Variants in TSPYL4 observed in about 807,000 individuals in gnomAD.
TSPYL4 encodes TSPY like 4.
Under a neutral mutation model 24.2 loss-of-function variants are expected in TSPYL4, and 22 were observed. The observed-to-expected ratio is 0.91, with a 90% CI of 0.65 to 1.30. TSPYL4 has a LOEUF of 1.30. Among genes scored for constraint, TSPYL4 ranks in the 50% most tolerant of loss-of-function variants. TSPYL4 has a pLI of 0.00. For missense variants in TSPYL4, 569 were observed against 536.7 expected, an observed-to-expected ratio of 1.06 and a Z score of -0.60; for synonymous variants, 211 against 208.2, an observed-to-expected ratio of 1.01 and a Z score of -0.12.
At position 116,250,988 on chromosome 6, in the gene TSPYL4, A is replaced by G. The variant is rs1365634406; in HGVS notation, c.*1776T>C. ...CTTATCCCCTACAAGGAGGCTGGAGATCTTCCACAATGCAGGCTGCAGCCT... is the reference window on the plus strand; with the variant it reads ...CTTATCCCCTACAAGGAGGCTGGAGGTCTTCCACAATGCAGGCTGCAGCCT... On this transcript the variant is annotated 3_prime_UTR_variant, in exon 1 of 1. Coordinates refer to ENST00000420283, the MANE Select transcript of TSPYL4 (RefSeq NM_021648.5). 1 of 389,366 alleles carries G rather than the reference A, an allele frequency of 2.6e-6. No homozygotes were observed. 24.1% of individuals were successfully genotyped at this position (389,366 alleles called of 1,614,324 possible). A position where few individuals can be genotyped will look rare whatever the true frequency, so the allele number is the denominator to read the frequency against.
In TSPYL4 at chr6:116,252,657, C is replaced by A; in HGVS notation, c.*107G>T. 7.6e-7 allele frequency: 1 copy of A among 1,307,772 alleles called. No individual in the cohort carries two copies. The highest frequency in any genetic ancestry group is 1.0e-6 in the Non-Finnish European group (1 of 974,372). The allele number at this position is 1,307,772 out of a possible 1,614,324, so 81.0% of individuals were successfully genotyped here. ...TTTAGAACCAAAGGAAAAGATAATC[C>A]ACAGTATGAAGAGAAAGCAGATGGA... is the stretch of plus-strand genomic sequence containing the variant. On this transcript the variant is annotated 3_prime_UTR_variant, in exon 1 of 1. Coordinates refer to ENST00000420283, the MANE Select transcript of TSPYL4 (RefSeq NM_021648.5).
Position 116,254,064 on chromosome 6 carries a change from C to T in TSPYL4, c.-56G>A. 1 of 1,507,808 alleles carries T rather than the reference C, an allele frequency of 6.6e-7. No homozygotes were observed. The highest frequency in any genetic ancestry group is 1.3e-5 in the South Asian group (1 of 75,006). The allele number at this position is 1,507,808 out of a possible 1,614,324, so 93.4% of individuals were successfully genotyped here. A position where few individuals can be genotyped will look rare whatever the true frequency, so the allele number is the denominator to read the frequency against. ...AGAGTTCCTTGTCCTCCGCAGCGGC[C>T]GAGCTCTGCCCGAAACGTCTAGCAC... On this transcript the variant is annotated 5_prime_UTR_variant, in exon 1 of 1. Transcript: ENST00000420283.
In TSPYL4 at chr6:116,253,466, C is replaced by T. The variant is rs1246336287; in HGVS notation, c.543G>A (p.Lys181=). ...TCACCCCTCCTGCCACCTTTTTTTC[C>T]TTCTGCACTACCTTCTTTTCCTCCA... ...AAMEEKKVVQ[K]EKKVAGGVKE... is the part of the protein sequence containing the mutation. The change falls in exon 1 of 1, where the codon AAG becomes AAA. Residue 181 remains lysine, a synonymous_variant. Coordinates refer to ENST00000420283, the MANE Select transcript of TSPYL4 (RefSeq NM_021648.5). The surrounding 1 kb of genome is among the most constrained non-coding windows in gnomAD (Gnocchi z 4.3). The T allele has an allele frequency of 7.1e-6, 11 of 1,551,408 alleles. No homozygotes were observed. The highest frequency in any genetic ancestry group is 3.9e-5 in the Admixed American group (2 of 50,968).
In TSPYL4 at chr6:116,253,079, C is replaced by G. The variant is rs561918623; in HGVS notation, c.930G>C (p.Gly310=). The G allele has an allele frequency of 4.3e-6, 7 of 1,614,142 alleles. No individual in the cohort carries two copies. The East Asian group carries it at 1.6e-4, about 36-fold the overall frequency. Residue 310 remains glycine (G), a synonymous_variant, in exon 1 of 1, where the codon GGG becomes GGC. Coordinates refer to ENST00000420283, the MANE Select transcript of TSPYL4 (RefSeq NM_021648.5). The surrounding 1 kb of genome is among the most constrained non-coding windows in gnomAD (Gnocchi z 4.3). ...FQGNPYFRNE[G]LVKEYERRSS... ...ATCTGCGTTCATATTCCTTGACAAG[C>G]CCCTCATTTCGGAAGTAGGGGTTGC... is the stretch of plus-strand genomic sequence containing the variant.
rs771144968 is a variant in TSPYL4, at chr6:116,253,840, C to T, written c.169G>A (p.Val57Ile). The T allele has an allele frequency of 3.7e-6, 6 of 1,612,540 alleles. No individual in the cohort carries two copies. The highest frequency in any genetic ancestry group is 1.6e-4 in the Middle Eastern group (1 of 6,084). Residue 57 changes from valine (V) to isoleucine (I), a missense_variant, in exon 1 of 1, where the codon GTT becomes ATT. Physicochemically the swap from Val to Ile is conservative, Grantham distance 29. Coordinates refer to ENST00000420283, the MANE Select transcript of TSPYL4 (RefSeq NM_021648.5). The surrounding 1 kb of genome is among the most constrained non-coding windows in gnomAD (Gnocchi z 4.3). ...TCCTGGGATGCACCCCCCTCCGCAA[C>T]GGTCTCCAGGCTGCCCCCACCTGTG... ...ANTGGGSLET[V>I]AEGGASQDPV...
At position 116,251,054 on chromosome 6, in the gene TSPYL4, C is replaced by T. The variant is rs559031882; in HGVS notation, c.*1710G>A. 2.5e-6 allele frequency: 1 copy of T among 396,410 alleles called. No homozygotes were observed. Among genetic ancestry groups the T allele is most frequent in the East Asian group, 3.6e-5 (1 of 27,988 alleles). 24.6% of individuals were successfully genotyped at this position (396,410 alleles called of 1,614,324 possible). ...AGGAGCAGGGAAGGAAATGCAGAAG[C>T]TGAGAAATGAGGGCCAAGAAAGCCA... On this transcript the variant is annotated 3_prime_UTR_variant, in exon 1 of 1. Transcript: ENST00000420283.
chr6:116,252,809 C>T lies in TSPYL4; in HGVS notation c.1200G>A (p.Arg400=). 3.1e-6 allele frequency: 5 copies of T among 1,598,386 alleles called. No homozygotes were observed. Among genetic ancestry groups the T allele is most frequent in the Non-Finnish European group, 4.3e-6 (5 of 1,171,826 alleles). ...GPRRGIRGPP[R]QPVESARSFR... is the part of the protein sequence containing the mutation. ...AGGATCTGGCGCTCTCCACTGGCTGCCTTGGTGGGCCTCGAATTCCTCTAC... is the reference window on the plus strand; with the variant it reads ...AGGATCTGGCGCTCTCCACTGGCTGTCTTGGTGGGCCTCGAATTCCTCTAC... Residue 400 remains arginine (R), a synonymous_variant, in exon 1 of 1, where the codon AGG becomes AGA. Coordinates refer to ENST00000420283, the MANE Select transcript of TSPYL4 (RefSeq NM_021648.5).
Position 116,253,096 on chromosome 6 carries a change from A to C in TSPYL4, c.913T>G (p.Tyr305Asp). Residue 305 changes from tyrosine (Y) to aspartate (D), a missense_variant, in exon 1 of 1, where the codon TAC becomes GAC. By Grantham distance (160) the Tyr-to-Asp change is radical. Transcript: ENST00000420283. The surrounding 1 kb of genome is among the most constrained non-coding windows in gnomAD (Gnocchi z 4.3). ...KFKFIFQGNP[Y>D]FRNEGLVKEY... ...TTGACAAGCCCCTCATTTCGGAAGT[A>C]GGGGTTGCCCTGAAAGATGAACTTG... 6.2e-7 allele frequency: 1 copy of C among 1,614,124 alleles called. No individual in the cohort carries two copies. Among genetic ancestry groups the C allele is most frequent in the African/African-American group, 1.3e-5 (1 of 75,034 alleles).
chr6:116,250,805 C>T lies in TSPYL4; in HGVS notation c.*1959G>A, dbSNP rs921848630. ...TGTGTGTGTTCAGACCTCCTAAACC[C>T]TCAGGTAGCTTAGGGCAAGGCCTTC... On this transcript the variant is annotated 3_prime_UTR_variant, in exon 1 of 1. Transcript: ENST00000420283. The T allele has an allele frequency of 6.1e-6, 1 of 163,746 alleles. No homozygotes were observed. The highest frequency in any genetic ancestry group is 1.6e-4 in the East Asian group (1 of 6,064). 10.1% of individuals were successfully genotyped at this position (163,746 alleles called of 1,614,324 possible). A position where few individuals can be genotyped will look rare whatever the true frequency, so the allele number is the denominator to read the frequency against.
chr6:116,251,235 T>C lies in TSPYL4; in HGVS notation c.*1529A>G, dbSNP rs1470589683. 1 of 398,570 alleles carries C rather than the reference T, an allele frequency of 2.5e-6. No individual in the cohort carries two copies. The highest frequency in any genetic ancestry group is 2.1e-5 in the African/African-American group (1 of 48,636). 24.7% of individuals were successfully genotyped at this position (398,570 alleles called of 1,614,324 possible). ...GAGTGAGGCTAAGTTTTGGTTGCCT[T>C]TGCTCACATCACAAAGGCCTTTGCC... On this transcript the variant is annotated 3_prime_UTR_variant, in exon 1 of 1. Transcript: ENST00000420283.
Position 116,250,959 on chromosome 6 carries a change from T to C in TSPYL4, c.*1805A>G. On this transcript the variant is annotated 3_prime_UTR_variant, in exon 1 of 1. Coordinates refer to ENST00000420283, the MANE Select transcript of TSPYL4 (RefSeq NM_021648.5). ...TGAAAATCCACACAGATGCTGCACA[T>C]CCCCTTATCCCCTACAAGGAGGCTG... 1 of 375,992 alleles carries C rather than the reference T, an allele frequency of 2.7e-6. No homozygotes were observed. Among genetic ancestry groups the C allele is most frequent in the East Asian group, 3.8e-5 (1 of 26,440 alleles). 23.3% of individuals were successfully genotyped at this position (375,992 alleles called of 1,614,324 possible).
Position 116,253,440 on chromosome 6 carries a change from T to C in TSPYL4, c.569A>G (p.Lys190Arg). The change falls in exon 1 of 1, where the codon AAA becomes AGA. Residue 190 changes from lysine to arginine, a missense_variant. Lys to Arg is a conservative substitution (Grantham distance 26). Transcript: ENST00000420283. The surrounding 1 kb of genome is among the most constrained non-coding windows in gnomAD (Gnocchi z 4.3). ...CGGGGCCCTGGGCCGTGTCTCCTCTTTCACCCCTCCTGCCACCTTTTTTTC... is the reference window on the plus strand; with the variant it reads ...CGGGGCCCTGGGCCGTGTCTCCTCTCTCACCCCTCCTGCCACCTTTTTTTC... ...QKEKKVAGGVKEETRPRAPKI... is the reference protein window; with the variant it reads ...QKEKKVAGGVREETRPRAPKI... The C allele has an allele frequency of 6.4e-7, 1 of 1,551,706 alleles. No homozygotes were observed. Among genetic ancestry groups the C allele is most frequent in the Non-Finnish European group, 8.7e-7 (1 of 1,146,984 alleles).
In TSPYL4 at chr6:116,252,770, A is replaced by G; in HGVS notation, c.1239T>C (p.Ser413=). 6.3e-7 allele frequency: 1 copy of G among 1,592,226 alleles called. No homozygotes were observed. Among genetic ancestry groups the G allele is most frequent in the Non-Finnish European group, 8.6e-7 (1 of 1,168,312 alleles). The part of the protein sequence containing the change: ...VESARSFRFQ[S]G ...GCTTCTCACAGGACAGAGATTAGCC[A>G]GACTGGAACCTGAAGGATCTGGCGC... Residue 413 remains serine, a synonymous_variant, in exon 1 of 1, where the codon TCT becomes TCC. Transcript: ENST00000420283.
In TSPYL4 at chr6:116,250,139, C is replaced by T. The variant is rs139329664; in HGVS notation, c.*2625G>A. On this transcript the variant is annotated 3_prime_UTR_variant, in exon 1 of 1. Transcript: ENST00000420283. ...ATAAATGTCAAGTACATTACTAGGGCAAGAAATATCAAGTAAGACAACAGA... is the reference window on the plus strand; with the variant it reads ...ATAAATGTCAAGTACATTACTAGGGTAAGAAATATCAAGTAAGACAACAGA... The T allele has an allele frequency of 1.7e-3, 253 of 152,244 alleles. No individual in the cohort carries two copies. Among genetic ancestry groups the T allele is most frequent in the African/African-American group, 5.9e-3 (247 of 41,516 alleles). 9.4% of individuals were successfully genotyped at this position (152,244 alleles called of 1,614,324 possible). A position where few individuals can be genotyped will look rare whatever the true frequency, so the allele number is the denominator to read the frequency against.
In TSPYL4 at chr6:116,252,911, G is replaced by C; in HGVS notation, c.1098C>G (p.Phe366Leu). ...CTTTGATAATCTCTGCAATTCTGTC[G>C]AATTCTAGAAGGCTGTGGTCTGAAA... ...NWFSDHSLLE[F>L]DRIAEIIKGE... Residue 366 changes from phenylalanine (F) to leucine (L), a missense_variant, in exon 1 of 1, where the codon TTC becomes TTG. Phe to Leu is a conservative substitution (Grantham distance 22). Transcript: ENST00000420283. 1.2e-6 allele frequency: 2 copies of C among 1,611,726 alleles called. No homozygotes were observed. The highest frequency in any genetic ancestry group is 1.7e-6 in the Non-Finnish European group (2 of 1,178,720).
At position 116,253,910 on chromosome 6, in the gene TSPYL4, G is replaced by A. The variant is rs749745938; in HGVS notation, c.99C>T (p.Cys33=). ...HASGDPDRDQ[C]QGLREETEAT... Reference sequence around the variant, plus strand: ...CCTCGGTTTCTTCACGGAGCCCTTGGCACTGGTCTCGGTCCGGATCTCCTG... The same window carrying A: ...CCTCGGTTTCTTCACGGAGCCCTTGACACTGGTCTCGGTCCGGATCTCCTG... The change falls in exon 1 of 1, where the codon TGC becomes TGT. Residue 33 remains cysteine (C), a synonymous_variant. Transcript: ENST00000420283. The surrounding 1 kb of genome is among the most constrained non-coding windows in gnomAD (Gnocchi z 4.3). The A allele has an allele frequency of 6.2e-7, 1 of 1,613,854 alleles. No homozygotes were observed. The highest frequency in any genetic ancestry group is 8.5e-7 in the Non-Finnish European group (1 of 1,179,844).
In TSPYL4 at chr6:116,253,057, T is replaced by A. The variant is rs773413193; in HGVS notation, c.952A>T (p.Arg318Ter). The A allele has an allele frequency of 2.5e-6, 4 of 1,614,024 alleles. No individual in the cohort carries two copies. Residue 318 changes from arginine (R) to a stop codon, truncating the protein, a stop_gained, in exon 1 of 1, where the codon AGA becomes TGA. Transcript: ENST00000420283. LOFTEE classifies it high-confidence loss of function. This position sits in a 1 kb window ranked among gnomAD's most constrained non-coding sequence, Gnocchi z 4.3. ...NEGLVKEYER[R>*]SSGRVVSLST... is the part of the protein sequence containing the mutation. ...AGAGACACCACCCGGCCAGAGGATC[T>A]GCGTTCATATTCCTTGACAAGCCCC... is the stretch of plus-strand genomic sequence containing the variant.
Position 116,250,523 on chromosome 6 carries a change from G to A in TSPYL4, c.*2241C>T. The A allele has an allele frequency of 6.6e-6, 1 of 152,486 alleles. No homozygotes were observed. 9.4% of individuals were successfully genotyped at this position (152,486 alleles called of 1,614,324 possible). The stretch of plus-strand genomic sequence containing the variant: ...AAGGTCACTCCTAGGATAATTGAGA[G>A]AAAACATCGACTTACATTTTGTTTA... On this transcript the variant is annotated 3_prime_UTR_variant, in exon 1 of 1. Transcript: ENST00000420283.
chr6:116,253,772 C>A lies in TSPYL4; in HGVS notation c.237G>T (p.Gly79=), dbSNP rs1313541385. 2 of 1,601,044 alleles carry A rather than the reference C, an allele frequency of 1.2e-6. No individual in the cohort carries two copies. The highest frequency in any genetic ancestry group is 2.7e-5 in the African/African-American group (2 of 74,706). The change falls in exon 1 of 1, where the codon GGG becomes GGT. Residue 79 remains glycine, a synonymous_variant. Transcript: ENST00000420283. This position sits in a 1 kb window ranked among gnomAD's most constrained non-coding sequence, Gnocchi z 4.3. The stretch of plus-strand genomic sequence containing the variant: ...CTTTGGTCGCTGCACCGCCGCGACT[C>A]CCGGCAACTGGGACGCGGAGCGCGG... The part of the protein sequence containing the change: ...CGPALRVPVA[G]SRGGAATKAG...
Sources: allele counts gnomAD v4.1 joint callset, GRCh38; gene constraint gnomAD v4.1.1; non-coding constraint Gnocchi (gnomAD v3.1); transcripts MANE v1.5; gene names NCBI Gene and HGNC (gene_info 2026-07-23, HGNC 2026-07-21).